Variants in ASB4 observed in about 807,000 individuals in gnomAD.
The protein encoded by ASB4 is ankyrin repeat and SOCS box containing 4.
Under a neutral mutation model 38.6 loss-of-function variants are expected in ASB4, and 35 were observed. The observed-to-expected ratio is 0.91, with a 90% confidence interval of 0.69 to 1.20. The LOEUF is 1.20. Among genes scored for constraint, ASB4 ranks in the 50% most tolerant of loss-of-function variants. The probability of loss-of-function intolerance (pLI) is 0.00; values close to 1 mark genes in which losing one functional copy is unlikely to be tolerated. For synonymous variants in ASB4, 195 were observed against 201.3 expected, an observed-to-expected ratio of 0.97 and a Z score of 0.26; for missense variants, 557 against 527.2, an observed-to-expected ratio of 1.06 and a Z score of -0.55.
upstream of ASB4, among the ~76,000 whole-genome samples, chr7:95,483,683 G>A (rs548984735): frequency 8.5e-5 from 13 of 152,244 alleles, no homozygotes; most frequent in South Asian, 8.3e-4. Flanking sequence ...GATTCCCATC[G>A]CCACTTAAAT....
At chr7:95,545,120 A>G (rs186640309), downstream of ASB4, among the ~76,000 whole-genome samples, 52 of 151,900 alleles carry the variant, frequency 3.4e-4, no homozygotes, top group Middle Eastern at 6.8e-3. Flanking sequence ...AAACTGTCCC[A>G]AGCTGTTTTG....
downstream of ASB4, chr7:95,542,373 T>C (rs1281548702): frequency 6.6e-6 from 1 of 152,226 alleles, no homozygotes; most frequent in Non-Finnish European, 1.5e-5. Context: ...CTGCCATCAA[T>C]GAAAAACAAT....
At chr7:95,479,365 G>A (rs185107626) in intron 1 of ASB4, among the ~76,000 whole-genome samples, 162 of 152,286 alleles carry the variant, frequency 1.1e-3, no homozygotes, top group Non-Finnish European at 1.6e-3. Flanking sequence ...TGCAAAGTAC[G>A]TTTATATACG....
chr7:95,542,301 C>G (rs758955231), downstream of ASB4: 3 of 152,112 alleles, frequency 2.0e-5, no homozygotes, highest in Non-Finnish European at 4.4e-5. Context: ...TTTGGTTCAT[C>G]AGAAAGGATT....
At chr7:95,496,160 T>C in intron 2 of ASB4, 103 bp downstream of exon 2, 1 of 1,093,094 alleles carries the variant, frequency 9.1e-7, no homozygotes, top group East Asian at 2.4e-5. Context: ...AGCATAAAGA[T>C]GCAATTATGC....
Position 95,507,217 on chromosome 7 carries a change from A to AT in ASB4, c.487+11169dup, listed in dbSNP as rs564489685. On this transcript the variant is annotated intron_variant, in intron 2 of 4. Transcript: ENST00000325885. Reference sequence around the variant, plus strand: ...GAATCTCTGACATAGTCTCTTATGAATTTTTTTTTCCTTGAGATTGGTCAG... The same window carrying AT: ...GAATCTCTGACATAGTCTCTTATGAATTTTTTTTTTCCTTGAGATTGGTCAG... Among the ~76,000 whole-genome samples, 129 of 150,950 alleles carry AT rather than the reference A, an allele frequency of 8.5e-4. 1 individual carries two copies. Among genetic ancestry groups the AT allele is most frequent in the Non-Finnish European group, 3.0e-4 (20 of 67,724 alleles).
At chr7:95,510,781 G>A (rs1221408463) in intron 2 of ASB4, among the ~76,000 whole-genome samples, 2 of 152,146 alleles carry the variant, frequency 1.3e-5, no homozygotes. Context: ...TGTGTCTTCT[G>A]TTTTGAGTTT....
chr7:95,481,027 G>C (rs182189008), upstream of ASB4, among the ~76,000 whole-genome samples: 1 of 152,130 alleles, frequency 6.6e-6, no homozygotes, highest in Non-Finnish European at 1.5e-5. Flanking sequence ...TCAAGATCTA[G>C]GCTTGAGTGT....
intron 2 of ASB4, among the ~76,000 whole-genome samples, chr7:95,505,915 A>G (rs1006484398): frequency 2.6e-5 from 4 of 151,996 alleles, no homozygotes; most frequent in Non-Finnish European, 4.4e-5. Context: ...ATTTTTAGAG[A>G]CAGGGTTTCA....
intron 2 of ASB4, among the ~76,000 whole-genome samples, chr7:95,513,234 T>A: frequency 7.0e-6 from 1 of 143,710 alleles, no homozygotes; most frequent in South Asian, 2.3e-4. Context: ...ACTGTCAGGG[T>A]TTTTTTTGTT....
downstream of ASB4, chr7:95,543,923 G>A (rs1307737456): frequency 1.3e-5 from 2 of 152,020 alleles, no homozygotes; most frequent in Non-Finnish European, 2.9e-5. Flanking sequence ...AACATTTACA[G>A]GGTATTCATC....
At chr7:95,523,196 T>G (rs566883723) in intron 2 of ASB4, among the ~76,000 whole-genome samples, 5 of 152,196 alleles carry the variant, frequency 3.3e-5, no homozygotes, top group Admixed American at 1.3e-4. Context: ...TAATCAAGAT[T>G]GTTATGCAAC....
chr7:95,530,219 G>A (rs1399467148), intron 3 of ASB4, among the ~76,000 whole-genome samples: 2 of 151,872 alleles, frequency 1.3e-5, no homozygotes, highest in Non-Finnish European at 2.9e-5. Context: ...CTAGCACTTT[G>A]GGAGGCTGAG....
At chr7:95,499,511 T>G (rs2116596547) in intron 2 of ASB4, among the ~76,000 whole-genome samples, 1 of 152,268 alleles carries the variant, frequency 6.6e-6, no homozygotes. Flanking sequence ...GTTCATTAGA[T>G]TAGGTGACAG....
chr7:95,532,731 G>A (rs954084637), intron 3 of ASB4, among the ~76,000 whole-genome samples: 2 of 152,176 alleles, frequency 1.3e-5, no homozygotes, highest in Non-Finnish European at 2.9e-5. Flanking sequence ...TTAAGAGATT[G>A]TGTATTAATC....
At chr7:95,474,522 G>A (rs1789957208), upstream of ASB4, among the ~76,000 whole-genome samples, 1 of 152,104 alleles carries the variant, frequency 6.6e-6, no homozygotes, top group African/African-American at 2.4e-5. Context: ...TTAAAACTTA[G>A]TTTTTGTTTT....
At chr7:95,500,010 A>AACAT (rs1790311564) in intron 2 of ASB4, among the ~76,000 whole-genome samples, 1 of 151,206 alleles carries the variant, frequency 6.6e-6, no homozygotes, top group Non-Finnish European at 1.5e-5. Context: ...AGTAGCTGGG[A>AACAT]GCATCCTCAT....
At chr7:95,515,252 CTTCT>C (rs1202406145) in intron 2 of ASB4, among the ~76,000 whole-genome samples, 37 of 52,738 alleles carry the variant, frequency 7.0e-4, no homozygotes, top group Non-Finnish European at 1.2e-3. Context: ...TCTTTCTTTC[CTTCT>C]TTCTTTCTTT....
intron 1 of ASB4, among the ~76,000 whole-genome samples, chr7:95,491,912 A>G (rs544020297): frequency 2.6e-5 from 4 of 152,326 alleles, no homozygotes; most frequent in South Asian, 4.1e-4. Flanking sequence ...TGATATGCTC[A>G]GGGCTGAATT....
Sources: gnomAD v4.1 joint callset for allele counts (sites outside exome capture counted in the v4.1 genomes callset) on GRCh38, gnomAD v4.1.1 for gene constraint, MANE v1.5 for transcripts, NCBI Gene and HGNC (gene_info 2026-07-23, HGNC 2026-07-21) for gene names.